Variants in XRRA1 observed in about 807,000 individuals in gnomAD.
XRRA1 encodes the protein X-ray radiation resistance associated 1.
Under a neutral mutation model 80.2 loss-of-function variants are expected in XRRA1, and 69 were observed. That is an observed-to-expected ratio of 0.86 (90% CI 0.71 to 1.05). The LOEUF is 1.05. Ranked by LOEUF, XRRA1 falls within the 50% of genes least tolerant of loss-of-function variation. The probability of loss-of-function intolerance (pLI) is 0.00; values close to 1 mark genes in which losing one functional copy is unlikely to be tolerated. For synonymous variants in XRRA1, 348 were observed against 389.9 expected (o/e 0.89, Z 1.27); for missense variants, 967 against 976.4 (o/e 0.99, Z 0.13).
intron 10 of XRRA1, among the ~76,000 whole-genome samples, chr11:74,871,528 CTT>C (rs908946281): frequency 7.9e-5 from 12 of 152,220 alleles, no homozygotes; most frequent in African/African-American, 2.9e-4. Flanking sequence ...CAACCAAGCT[CTT>C]TTAGCAGTCA....
At chr11:74,891,182 G>A (rs1036156440) in intron 10 of XRRA1, among the ~76,000 whole-genome samples, 2 of 152,150 alleles carry the variant, frequency 1.3e-5, no homozygotes, top group African/African-American at 4.8e-5. Context: ...GAATCCAGCA[G>A]CACATCAAAA....
chr11:74,882,081 T>C (rs1317016193), intron 10 of XRRA1, among the ~76,000 whole-genome samples: 2 of 150,680 alleles, frequency 1.3e-5, no homozygotes, highest in South Asian at 4.2e-4. Flanking sequence ...GAAGTTCTCC[T>C]GGATAATATC....
At chr11:74,929,292 G>C (rs1457858696) in intron 6 of XRRA1, among the ~76,000 whole-genome samples, 5 of 151,276 alleles carry the variant, frequency 3.3e-5, no homozygotes, top group Admixed American at 2.0e-4. Context: ...ATCTCTGTCT[G>C]TCTCTCTCTC....
chr11:74,882,464 C>T (rs911318606), intron 10 of XRRA1, among the ~76,000 whole-genome samples: 5 of 152,016 alleles, frequency 3.3e-5, no homozygotes, highest in East Asian at 1.9e-4. Context: ...AATGTCCTCC[C>T]GTAGCTCAGA....
chr11:74,891,786 A>G lies in XRRA1; in HGVS notation c.1003+14453T>C, dbSNP rs1057346322. ...CAGACAAACAGAGAGCCAAATCATG[A>G]GTGAACTCCCATTCACAATTGCTTC... On this transcript the variant is annotated intron_variant, in intron 10 of 18. Coordinates refer to ENST00000684022, the MANE Select transcript of XRRA1 (RefSeq NM_001378157.1). 1.7e-3 allele frequency among the ~76,000 whole-genome samples: 252 copies of G among 152,370 alleles called. 1 individual carries two copies. Among genetic ancestry groups the G allele is most frequent in the African/African-American group, 5.8e-3 (242 of 41,588 alleles).
In XRRA1 at chr11:74,842,684, C is replaced by T. The variant is rs925696230; in HGVS notation, c.*516G>A. On this transcript the variant is annotated 3_prime_UTR_variant, in exon 19 of 19. Coordinates refer to ENST00000684022, the MANE Select transcript of XRRA1 (RefSeq NM_001378157.1). ...ATGTTCACATTCAACCATTCATGCT[C>T]CTAATGAAGGAACCAAGAAAGAGTC... is the stretch of plus-strand genomic sequence containing the variant. The T allele has an allele frequency of 1.3e-5, 2 of 154,226 alleles. No homozygotes were observed. The highest frequency in any genetic ancestry group is 4.8e-5 in the African/African-American group (2 of 41,448). The allele number at this position is 154,226 out of a possible 1,614,324, so 9.6% of individuals were successfully genotyped here.
intron 13 of XRRA1, 149 bp downstream of exon 13, chr11:74,851,840 T>C (rs2039944466): frequency 3.0e-6 from 2 of 666,804 alleles, no homozygotes; most frequent in Non-Finnish European, 5.3e-6. Context: ...GGTACAGAGC[T>C]ATTTCCTCCA....
At chr11:74,850,402 T>C (rs940974648) in intron 14 of XRRA1, among the ~76,000 whole-genome samples, 3 of 152,186 alleles carry the variant, frequency 2.0e-5, no homozygotes, top group African/African-American at 4.8e-5. Context: ...TTCAAATGCT[T>C]GTCCAGTCCT....
At chr11:74,883,877 C>T (rs1317676702) in intron 10 of XRRA1, among the ~76,000 whole-genome samples, 1 of 152,152 alleles carries the variant, frequency 6.6e-6, no homozygotes, top group East Asian at 1.9e-4. Flanking sequence ...GCAGAGCTTC[C>T]CTTTTAACAA....
intron 3 of XRRA1, among the ~76,000 whole-genome samples, chr11:74,939,360 AAAAG>A (rs1250272230): frequency 1.3e-5 from 2 of 152,306 alleles, no homozygotes; most frequent in African/African-American, 4.8e-5. Context: ...TCAAAAAAAG[AAAAG>A]AAAGAGCTAT....
intron 8 of XRRA1, among the ~76,000 whole-genome samples, chr11:74,918,145 C>A (rs1211365109): frequency 6.6e-6 from 1 of 152,090 alleles, no homozygotes; most frequent in Non-Finnish European, 1.5e-5. Flanking sequence ...AGTTAAAGAA[C>A]CCCAACCAGC....
intron 10 of XRRA1, among the ~76,000 whole-genome samples, chr11:74,883,590 T>TTATC (rs2048277753): frequency 6.6e-6 from 1 of 152,240 alleles, no homozygotes; most frequent in Non-Finnish European, 1.5e-5. Context: ...CTTGTAAAAT[T>TTATC]TATCTCTTCT....
intron 10 of XRRA1, among the ~76,000 whole-genome samples, chr11:74,879,588 A>G (rs1354508289): frequency 6.6e-6 from 1 of 152,062 alleles, no homozygotes; most frequent in African/African-American, 2.4e-5. Context: ...TCAGTATGAT[A>G]TTGGCTGTGG....
intron 13 of XRRA1, 112 bp downstream of exon 13, chr11:74,851,877 C>T (rs2135568189): frequency 1.1e-6 from 1 of 889,766 alleles, no homozygotes; most frequent in South Asian, 1.5e-5. Context: ...GAACCTTGTC[C>T]ACCCCGACAC....
chr11:74,866,716 G>T (rs1322996699), intron 10 of XRRA1, among the ~76,000 whole-genome samples: 1 of 148,172 alleles, frequency 6.7e-6, no homozygotes, highest in Non-Finnish European at 1.5e-5. Flanking sequence ...AAATGAAAAA[G>T]TCAACAGAGA....
chr11:74,842,897 T>G lies in XRRA1; in HGVS notation c.*303A>C. The G allele has an allele frequency of 2.7e-6, 1 of 366,748 alleles. No individual in the cohort carries two copies. The highest frequency in any genetic ancestry group is 4.9e-6 in the Non-Finnish European group (1 of 202,748). 22.7% of individuals were successfully genotyped at this position (366,748 alleles called of 1,614,324 possible). On this transcript the variant is annotated 3_prime_UTR_variant, in exon 19 of 19. Coordinates refer to ENST00000684022, the MANE Select transcript of XRRA1 (RefSeq NM_001378157.1). ...TGTTGCATCTGAACTGGAAAACCATTTTTAGAGGGAAGTGTGACAATGCTG... is the reference window on the plus strand; with the variant it reads ...TGTTGCATCTGAACTGGAAAACCATGTTTAGAGGGAAGTGTGACAATGCTG...
chr11:74,900,953 T>C (rs1272883861), intron 10 of XRRA1, among the ~76,000 whole-genome samples: 1 of 152,136 alleles, frequency 6.6e-6, no homozygotes, highest in African/African-American at 2.4e-5. Flanking sequence ...AAGTCTTAGC[T>C]ACAGCAATCA....
intron 3 of XRRA1, among the ~76,000 whole-genome samples, chr11:74,938,812 G>A (rs987542101): frequency 2.6e-5 from 4 of 151,660 alleles, no homozygotes; most frequent in Non-Finnish European, 4.4e-5. Context: ...CCTGCCCTAC[G>A]AATTTTGGAC....
At chr11:74,870,289 A>C (rs1159643305) in intron 10 of XRRA1, among the ~76,000 whole-genome samples, 2 of 152,194 alleles carry the variant, frequency 1.3e-5, no homozygotes, top group African/African-American at 2.4e-5. Context: ...GGGCTGGAAG[A>C]GGTCCAGAGG....
Sources: allele counts gnomAD v4.1 joint callset (sites outside exome capture counted in the v4.1 genomes callset), GRCh38; gene constraint gnomAD v4.1.1; transcripts MANE v1.5; gene names NCBI Gene and HGNC (gene_info 2026-07-23, HGNC 2026-07-21).